ASPSCR1: variants seen among roughly 807,000 people sequenced by gnomAD.
The protein encoded by ASPSCR1 is tether containing UBX domain for GLUT4.
In ASPSCR1, 55 loss-of-function variants were observed where a neutral mutation model predicts 68.9. The observed-to-expected ratio is 0.80, with a 90% CI of 0.64 to 1.00. The LOEUF (loss-of-function observed/expected upper bound fraction) is 1.00, where lower values mean the gene tolerates loss of function less well. Among genes scored for constraint, ASPSCR1 ranks in the 50% least tolerant of loss-of-function variants. The probability of loss-of-function intolerance (pLI) is 0.00; values close to 1 mark genes in which losing one functional copy is unlikely to be tolerated. For synonymous variants in ASPSCR1, 352 were observed against 332.6 expected (o/e 1.06, Z -0.63); for missense variants, 765 against 762.2 (o/e 1.00, Z -0.04).
At chr17:82,003,683 G>A (rs1215017162) in intron 7 of ASPSCR1, among the ~76,000 whole-genome samples, 1 of 152,250 alleles carries the variant, frequency 6.6e-6, no homozygotes, top group African/African-American at 2.4e-5. Context: ...GGAGTTTGTG[G>A]TGTCTTCAGA....
rs1008360628 is a variant in ASPSCR1, at chr17:81,990,830, C to T, written c.375-3991C>T. Among the ~76,000 whole-genome samples the T allele has an allele frequency of 2.6e-5, 4 of 152,134 alleles. No homozygotes were observed. The highest frequency in any genetic ancestry group is 9.7e-5 in the African/African-American group (4 of 41,418). ...GGGTTTCCTATGAGGAGTTTCTCTC[C>T]ATGGGTTTAGAGCCAGCAGGCACTA... On this transcript the variant is annotated intron_variant, in intron 4 of 15. Transcript: ENST00000306739. This position sits in a 1 kb window ranked among gnomAD's most constrained non-coding sequence, Gnocchi z 4.1.
intron 4 of ASPSCR1, among the ~76,000 whole-genome samples, chr17:81,991,969 A>G (rs528557549): frequency 3.9e-5 from 6 of 152,304 alleles, no homozygotes; most frequent in African/African-American, 1.4e-4. Context: ...CATAAAGAAT[A>G]TGCCCTCGAA....
chr17:82,011,164 G>A (rs1412027719), intron 10 of ASPSCR1, among the ~76,000 whole-genome samples: 1 of 152,192 alleles, frequency 6.6e-6, no homozygotes, highest in African/African-American at 2.4e-5. Context: ...CCCAGAGGAA[G>A]GCACCCTACC....
intron 2 of ASPSCR1, among the ~76,000 whole-genome samples, chr17:81,979,923 G>A (rs1481930467): frequency 6.6e-6 from 1 of 152,214 alleles, no homozygotes; most frequent in Non-Finnish European, 1.5e-5. Context: ...GATAGGATGT[G>A]CGTGTCTATC....
At chr17:82,017,138 G>A (rs922357287) in intron 15 of ASPSCR1, 25 bp downstream of exon 15, 4 of 1,572,850 alleles carry the variant, frequency 2.5e-6, no homozygotes, top group Non-Finnish European at 3.4e-6. Context: ...TGGAAGGTGG[G>A]GTGCTGTGGC....
rs1408174692 is a variant in ASPSCR1, at chr17:81,983,750, G to T, written c.273+82G>T. The T allele has an allele frequency of 1.7e-6, 2 of 1,211,238 alleles. No homozygotes were observed. Among genetic ancestry groups the T allele is most frequent in the East Asian group, 2.5e-5 (1 of 39,690 alleles). 75.0% of individuals were successfully genotyped at this position (1,211,238 alleles called of 1,614,324 possible). On this transcript the variant is annotated intron_variant, in intron 3 of 15. Transcript: ENST00000306739. This position sits in a 1 kb window ranked among gnomAD's most constrained non-coding sequence, Gnocchi z 4.4. Reference sequence around the variant, plus strand: ...CAGGGACGGGGGACGGGACAGTGGGGGGTGCTGGGGAAGGAGGGACATGAG... The same window carrying T: ...CAGGGACGGGGGACGGGACAGTGGGTGGTGCTGGGGAAGGAGGGACATGAG...
In ASPSCR1 at chr17:82,002,199, A is replaced by AT. The variant is rs1003132092; in HGVS notation, c.933+5362dup. Among the ~76,000 whole-genome samples the AT allele has an allele frequency of 5.4e-4, 79 of 145,000 alleles. 1 individual carries two copies. The South Asian group carries it at 0.011, about 20-fold the overall frequency. On this transcript the variant is annotated intron_variant, in intron 7 of 15. Coordinates refer to ENST00000306739, the MANE Select transcript of ASPSCR1 (RefSeq NM_024083.4). Reference sequence around the variant, plus strand: ...TTTTTCTTTTTAAAATTAAAAAGTGATTTTTTTTTCTTATGAGTACCTCAT... The same window carrying AT: ...TTTTTCTTTTTAAAATTAAAAAGTGATTTTTTTTTTCTTATGAGTACCTCAT...
chr17:82,013,752 G>A (rs1357580437), intron 12 of ASPSCR1: 1 of 153,700 alleles, frequency 6.5e-6, no homozygotes, highest in Non-Finnish European at 1.4e-5. Flanking sequence ...GGGCTGGGAG[G>A]AGGCGGCCAG....
intron 7 of ASPSCR1, among the ~76,000 whole-genome samples, chr17:82,003,523 G>A (rs905739061): frequency 6.6e-6 from 1 of 152,242 alleles, no homozygotes; most frequent in Non-Finnish European, 1.5e-5. Flanking sequence ...TGGCAGGCCC[G>A]GGCCATGAGC....
At chr17:82,001,381 C>T (rs1181785590) in intron 7 of ASPSCR1, among the ~76,000 whole-genome samples, 1 of 152,178 alleles carries the variant, frequency 6.6e-6, no homozygotes, top group Non-Finnish European at 1.5e-5. Flanking sequence ...CAGGGTGGCC[C>T]AGGTCCCTGC....
At chr17:81,978,397 GC>G (rs2041683062) in intron 1 of ASPSCR1, 2 of 152,182 alleles carry the variant, frequency 1.3e-5, no homozygotes, top group Admixed American at 1.3e-4. Flanking sequence ...GTGGTGGCGG[GC>G]GCCTGTAGTC....
In ASPSCR1 at chr17:81,987,560, T is replaced by C. The variant is rs1340820728; in HGVS notation, c.374+1953T>C. Among the ~76,000 whole-genome samples the C allele has an allele frequency of 6.6e-6, 1 of 152,062 alleles. No individual in the cohort carries two copies. Among genetic ancestry groups the C allele is most frequent in the African/African-American group, 2.4e-5 (1 of 41,408 alleles). ...TCAGATGGGGATGGAGGTAAGGAAATGGCCCAGAGTGGCCTGGGGCTGCCA... is the reference window on the plus strand; with the variant it reads ...TCAGATGGGGATGGAGGTAAGGAAACGGCCCAGAGTGGCCTGGGGCTGCCA... On this transcript the variant is annotated intron_variant, in intron 4 of 15. Coordinates refer to ENST00000306739, the MANE Select transcript of ASPSCR1 (RefSeq NM_024083.4). This position sits in a 1 kb window ranked among gnomAD's most constrained non-coding sequence, Gnocchi z 5.6.
At chr17:82,000,274 G>C (rs976126483) in intron 7 of ASPSCR1, among the ~76,000 whole-genome samples, 1 of 152,246 alleles carries the variant, frequency 6.6e-6, no homozygotes, top group East Asian at 1.9e-4. Flanking sequence ...TCGCAGCCCA[G>C]AGTAGTGCCC....
At chr17:82,015,006 C>A in intron 12 of ASPSCR1, 3 of 1,483,500 alleles carry the variant, frequency 2.0e-6, no homozygotes, top group Non-Finnish European at 2.7e-6. Flanking sequence ...CAGCCTGTGC[C>A]TCCCTCAAAG....
In ASPSCR1 at chr17:81,990,699, G is replaced by T. The variant is rs2042133357; in HGVS notation, c.375-4122G>T. ...ATGAGATGGAAATGAGGATTTCATG[G>T]CCTACGGGCCCTGGGGGTACACGGC... On this transcript the variant is annotated intron_variant, in intron 4 of 15. Transcript: ENST00000306739. This position sits in a 1 kb window ranked among gnomAD's most constrained non-coding sequence, Gnocchi z 4.1. 6.6e-6 allele frequency among the ~76,000 whole-genome samples: 1 copy of T among 152,206 alleles called. No homozygotes were observed. Among genetic ancestry groups the T allele is most frequent in the African/African-American group, 2.4e-5 (1 of 41,448 alleles).
chr17:81,996,771 G>A lies in ASPSCR1; in HGVS notation c.858G>A (p.Lys286=), dbSNP rs756502959. The stretch of plus-strand genomic sequence containing the variant: ...GCCCCTCCAAGCCAAAGAAGTCCAA[G>A]TCGGGCCAGGATCCCCAGCAGGAGC... ...PGGPSKPKKS[K]SGQDPQQEQE... is the part of the protein sequence containing the mutation. Residue 286 remains lysine, a synonymous_variant, in exon 7 of 16, where the codon AAG becomes AAA. Coordinates refer to ENST00000306739, the MANE Select transcript of ASPSCR1 (RefSeq NM_024083.4). 2 of 1,612,350 alleles carry A rather than the reference G, an allele frequency of 1.2e-6. No homozygotes were observed. Among genetic ancestry groups the A allele is most frequent in the African/African-American group, 1.3e-5 (1 of 74,812 alleles).
chr17:81,989,892 A>G (rs776613347), intron 4 of ASPSCR1, among the ~76,000 whole-genome samples: 1 of 152,126 alleles, frequency 6.6e-6, no homozygotes, highest in African/African-American at 2.4e-5. Flanking sequence ...GGTTCAAGCA[A>G]TTCTCCTGCC....
intron 9 of ASPSCR1, among the ~76,000 whole-genome samples, chr17:82,010,553 C>A (rs1156749389): frequency 6.9e-6 from 1 of 144,746 alleles, no homozygotes; most frequent in South Asian, 2.3e-4. Context: ...AAAAAAAAAA[C>A]CAGCACATTT....
Position 82,015,442 on chromosome 17 carries a change from C to T in ASPSCR1, c.1354-1034C>T, listed in dbSNP as rs1297638051. 1.4e-5 allele frequency: 21 copies of T among 1,468,336 alleles called. 1 individual carries two copies. The highest frequency in any genetic ancestry group is 4.4e-4 in the Middle Eastern group (2 of 4,520). The allele number at this position is 1,468,336 out of a possible 1,614,324, so 91.0% of individuals were successfully genotyped here. A position where few individuals can be genotyped will look rare whatever the true frequency, so the allele number is the denominator to read the frequency against. Reference sequence around the variant, plus strand: ...AGGCCTGGCTGCCAAGCCTACTTCCCTCTCCTGGTGTTCCCGAGTCCTGCC... The same window carrying T: ...AGGCCTGGCTGCCAAGCCTACTTCCTTCTCCTGGTGTTCCCGAGTCCTGCC... On this transcript the variant is annotated intron_variant, in intron 12 of 15. Coordinates refer to ENST00000306739, the MANE Select transcript of ASPSCR1 (RefSeq NM_024083.4).
Sources: allele counts gnomAD v4.1 joint callset (sites outside exome capture counted in the v4.1 genomes callset), GRCh38; gene constraint gnomAD v4.1.1; non-coding constraint Gnocchi (gnomAD v3.1); transcripts MANE v1.5; gene names NCBI Gene and HGNC (gene_info 2026-07-23, HGNC 2026-07-21).